The following NUP205 variants were observed in gnomAD, a reference collection of about 807,000 sequenced individuals.
NUP205 encodes the protein nucleoporin 205.
NUP205 carries 76 observed loss-of-function variants against 253.8 expected under a neutral mutation model. The observed-to-expected ratio is 0.30, with a 90% confidence interval of 0.25 to 0.36. NUP205 has a LOEUF of 0.36. NUP205 is among the 10% of genes least tolerant of loss of function. NUP205 has a pLI of 1.00. For synonymous variants in NUP205, 832 were observed against 850.1 expected (o/e 0.98, Z 0.37); for missense variants, 2,162 against 2,425.5 (o/e 0.89, Z 2.28).
At chr7:135,561,244 T>C (rs1434470663) in intron 1 of NUP205, among the ~76,000 whole-genome samples, 1 of 152,088 alleles carries the variant, frequency 6.6e-6, no homozygotes, top group Non-Finnish European at 1.5e-5. Flanking sequence ...CTCGGGAGGC[T>C]GAGGCAGGAG....
rs768630535 is a variant in NUP205, at chr7:135,592,973, GT to G, written c.1625-9del. The G allele has an allele frequency of 8.2e-6, 13 of 1,578,754 alleles. No individual in the cohort carries two copies. The highest frequency in any genetic ancestry group is 1.1e-5 in the Non-Finnish European group (13 of 1,149,048). On this transcript the variant is annotated splice_polypyrimidine_tract_variant and intron_variant, in intron 11 of 42. Transcript: ENST00000285968. ...TGTTTTTTAAATAAAATTCTGTGCT[GT>G]TTTTCTTTATAGTTGAAAATATTCA...
intron 18 of NUP205, 95 bp downstream of exon 18, chr7:135,603,089 T>A: frequency 2.4e-6 from 2 of 842,726 alleles, no homozygotes; most frequent in South Asian, 4.0e-5. Context: ...CATCACCTTT[T>A]TTTTTATTTT....
intron 1 of NUP205, among the ~76,000 whole-genome samples, chr7:135,569,394 C>G (rs750770801): frequency 1.3e-5 from 2 of 152,058 alleles, no homozygotes; most frequent in African/African-American, 2.4e-5. Flanking sequence ...TTTGAAATAC[C>G]TAAATTCTTC....
intron 1 of NUP205, among the ~76,000 whole-genome samples, chr7:135,567,923 G>A (rs1375100606): frequency 6.6e-6 from 1 of 152,060 alleles, no homozygotes; most frequent in African/African-American, 2.4e-5. Flanking sequence ...TAAATGGTGA[G>A]TCTAAAATCA....
chr7:135,628,029 G>C lies in NUP205; in HGVS notation c.4850G>C (p.Arg1617Pro). ...MFIPTPVDRY[R>P]QILLPALQLC... ...ATCCCTACCCCAGTGGATCGCTACC[G>C]CCAGATTCTCCTCCCAGCTCTCCAG... Residue 1617 changes from arginine (R) to proline (P), a missense_variant, in exon 34 of 43, where the codon CGC becomes CCC. This residue lies in a region of NUP205 where 1,144 missense variants were observed against 1,280.9 expected (regional missense o/e 0.89). Coordinates refer to ENST00000285968, the MANE Select transcript of NUP205 (RefSeq NM_015135.3). The C allele has an allele frequency of 6.2e-7, 1 of 1,611,202 alleles. No homozygotes were observed. Among genetic ancestry groups the C allele is most frequent in the Non-Finnish European group, 8.5e-7 (1 of 1,179,408 alleles).
intron 28 of NUP205, among the ~76,000 whole-genome samples, chr7:135,619,095 G>A (rs1794419871): frequency 6.6e-6 from 1 of 152,150 alleles, no homozygotes; most frequent in Non-Finnish European, 1.5e-5. Flanking sequence ...TGTGTGCAGT[G>A]ATTCATGCCT....
intron 1 of NUP205, among the ~76,000 whole-genome samples, chr7:135,570,722 A>G (rs1805948181): frequency 9.2e-6 from 1 of 108,274 alleles, no homozygotes; most frequent in Non-Finnish European, 1.7e-5. Flanking sequence ...ATAATTAATT[A>G]TATTTATATA....
Position 135,616,610 on chromosome 7 carries a change from GTATGTTCTTCTTTTTCTGATTCAATAT to G in NUP205, c.3461-41_3461-15del, listed in dbSNP as rs1794364605. ...TATTTCCAAATAAATAGTTTTAAGA[GTATGTTCTTCTTTTTCTGATTCAATAT>G]TATTGATATTCCAACAGATGGTGAA... On this transcript the variant is annotated intron_variant, in intron 24 of 42. Coordinates refer to ENST00000285968, the MANE Select transcript of NUP205 (RefSeq NM_015135.3). 5 of 1,147,396 alleles carry G rather than the reference GTATGTTCTTCTTTTTCTGATTCAATAT, an allele frequency of 4.4e-6. No individual in the cohort carries two copies. Among genetic ancestry groups the G allele is most frequent in the Non-Finnish European group, 6.2e-6 (5 of 807,800 alleles). 71.1% of individuals were successfully genotyped at this position (1,147,396 alleles called of 1,614,324 possible).
At chr7:135,591,325 TTGTC>T (rs1806623138) in intron 10 of NUP205, 121 bp from the exon 11 acceptor site, 1 of 698,812 alleles carries the variant, frequency 1.4e-6, no homozygotes, top group Non-Finnish European at 2.4e-6. Context: ...TCAGTTAAAT[TTGTC>T]TGTTGCGAGG....
chr7:135,620,867 T>C (rs1794458522), intron 30 of NUP205, among the ~76,000 whole-genome samples: 1 of 152,158 alleles, frequency 6.6e-6, no homozygotes, highest in Non-Finnish European at 1.5e-5. Flanking sequence ...ACATTTAAAA[T>C]ATTGCTAAAT....
chr7:135,597,809 A>G, intron 14 of NUP205, 189 bp from the exon 15 acceptor site: 2 of 548,134 alleles, frequency 3.6e-6, no homozygotes, highest in Non-Finnish European at 6.4e-6. Flanking sequence ...GGGAATTTGG[A>G]GTTCTTCCAT....
At chr7:135,569,319 C>A (rs183965590) in intron 1 of NUP205, among the ~76,000 whole-genome samples, 2 of 152,156 alleles carry the variant, frequency 1.3e-5, no homozygotes, top group Admixed American at 6.5e-5. Flanking sequence ...GTGATCCGCC[C>A]GCCTTGGCCT....
chr7:135,570,062 G>T (rs975505843), intron 1 of NUP205, among the ~76,000 whole-genome samples: 1,402 of 139,184 alleles, frequency 0.01, 5 homozygotes, highest in African/African-American at 0.013. Flanking sequence ...TAGAGAGAGA[G>T]AGAGAGAGAG....
At chr7:135,574,774 G>A (rs1806104971) in intron 3 of NUP205, among the ~76,000 whole-genome samples, 1 of 152,186 alleles carries the variant, frequency 6.6e-6, no homozygotes, top group African/African-American at 2.4e-5. Context: ...TCTGGCTGCT[G>A]TGTAGAGAAA....
chr7:135,611,408 T>C (rs1040214733), intron 22 of NUP205, among the ~76,000 whole-genome samples: 4 of 152,192 alleles, frequency 2.6e-5, no homozygotes, highest in African/African-American at 9.7e-5. Flanking sequence ...TTTTGAGAAG[T>C]TCGGTATTAG....
Position 135,577,841 on chromosome 7 carries a change from C to CT in NUP205, c.699dup (p.Ala234CysfsTer26). 1.9e-6 allele frequency: 3 copies of CT among 1,614,058 alleles called. No homozygotes were observed. Among genetic ancestry groups the CT allele is most frequent in the Non-Finnish European group, 2.5e-6 (3 of 1,179,982 alleles). ...GTGCAGGCAGTCTCTTGCAGAAAGC[C>CT]TTTTTGCCTGGGCTTGCCAGTCACC... is the stretch of plus-strand genomic sequence containing the variant. On this transcript the variant is annotated frameshift_variant, in exon 6 of 43. Coordinates refer to ENST00000285968, the MANE Select transcript of NUP205 (RefSeq NM_015135.3). LOFTEE classifies it high-confidence loss of function.
At chr7:135,612,067 C>T (rs1304119392) in intron 22 of NUP205, among the ~76,000 whole-genome samples, 1 of 152,104 alleles carries the variant, frequency 6.6e-6, no homozygotes, top group Non-Finnish European at 1.5e-5. Flanking sequence ...TTGCAGTGAG[C>T]CGAGATCGCG....
chr7:135,596,977 G>A (rs1407351856), intron 13 of NUP205, among the ~76,000 whole-genome samples: 2 of 148,974 alleles, frequency 1.3e-5, no homozygotes, highest in South Asian at 2.1e-4. Context: ...AAAAAAAATT[G>A]AAAAAAAGAA....
intron 1 of NUP205, among the ~76,000 whole-genome samples, chr7:135,561,849 C>T (rs1805588203): frequency 6.6e-6 from 1 of 152,234 alleles, no homozygotes; most frequent in East Asian, 1.9e-4. Flanking sequence ...CCTAGTCAAG[C>T]CTTTCAAAAG....
Sources: gnomAD v4.1 joint callset for allele counts (sites outside exome capture counted in the v4.1 genomes callset) on GRCh38, gnomAD v4.1.1 for gene constraint, gnomAD v4.1.1 regional missense constraint, MANE v1.5 for transcripts, NCBI Gene and HGNC (gene_info 2026-07-23, HGNC 2026-07-21) for gene names.